Variants in NSD1 observed in about 807,000 individuals in gnomAD.
NSD1 encodes nuclear receptor binding SET domain protein 1, also known as histone-lysine N-methyltransferase, H3 lysine-36 specific.
A neutral mutation model predicts 242.7 loss-of-function variants in NSD1; 26 were observed. That is an observed-to-expected ratio of 0.11 (90% confidence interval 0.08 to 0.15). The LOEUF (loss-of-function observed/expected upper bound fraction) is 0.15, where lower values mean the gene tolerates loss of function less well. Among genes scored for constraint, NSD1 ranks in the 10% least tolerant of loss-of-function variants. NSD1 has a pLI of 1.00. For synonymous variants in NSD1, 1,106 were observed against 1,178.1 expected, an observed-to-expected ratio of 0.94 and a Z score of 1.25; for missense variants, 2,495 against 3,272.8, an observed-to-expected ratio of 0.76 and a Z score of 5.80.
At chr5:177,185,858 A>AT (rs1487529759) in intron 2 of NSD1, among the ~76,000 whole-genome samples, 1 of 87,922 alleles carries the variant, frequency 1.1e-5, no homozygotes, top group Non-Finnish European at 2.0e-5. Flanking sequence ...TATATTATAT[A>AT]TTATATATTT....
chr5:177,182,978 T>C (rs763775203), intron 2 of NSD1, among the ~76,000 whole-genome samples: 9 of 152,140 alleles, frequency 5.9e-5, no homozygotes, highest in Admixed American at 1.3e-4. Flanking sequence ...GTCTCACTTA[T>C]ATTGCCAAGT....
At chr5:177,249,857 T>C (rs2149901956) in intron 11 of NSD1, among the ~76,000 whole-genome samples, 1 of 152,148 alleles carries the variant, frequency 6.6e-6, no homozygotes, top group Non-Finnish European at 1.5e-5. Context: ...GAGGCTGAGG[T>C]GGGTGGATCA....
Position 177,164,320 on chromosome 5 carries a change from C to G in NSD1, c.928-27564C>G, listed in dbSNP as rs192207530. ...TACAGGCGCCTGCCACCATGCCTGGCTAATTTTTGTATTTTTAGTAGAGAC... is the reference window on the plus strand; with the variant it reads ...TACAGGCGCCTGCCACCATGCCTGGGTAATTTTTGTATTTTTAGTAGAGAC... On this transcript the variant is annotated intron_variant, in intron 2 of 22. Transcript: ENST00000439151. Among the ~76,000 whole-genome samples, 4 of 151,966 alleles carry G rather than the reference C, an allele frequency of 2.6e-5. No individual in the cohort carries two copies. The East Asian group carries it at 5.8e-4, about 22-fold the overall frequency.
Position 177,294,172 on chromosome 5 carries a change from T to G in NSD1, c.6804T>G (p.Ala2268=), listed in dbSNP as rs984661338. The G allele has an allele frequency of 1.2e-6, 2 of 1,614,162 alleles. No individual in the cohort carries two copies. The part of the protein sequence containing the change: ...TNQMLSLSKK[A]LAGTCQRPLL... ...AGATGCTGTCGCTCTCCAAAAAAGC[T>G]CTGGCAGGGACTTGTCAGAGGCCAT... The change falls in exon 23 of 23, where the codon GCT becomes GCG. Residue 2268 remains alanine, a synonymous_variant. Transcript: ENST00000439151.
chr5:177,210,254 G>T lies in NSD1; in HGVS notation c.1855G>T (p.Val619Leu). Residue 619 changes from valine to leucine, a missense_variant, in exon 5 of 23, where the codon GTG (valine) becomes TTG (leucine). Coordinates refer to ENST00000439151, the MANE Select transcript of NSD1 (RefSeq NM_022455.5). Reference sequence around the variant, plus strand: ...ACGAAGCCTGGTGTGTGGTTCAAAAGTGAAGCTCTGCTATATTGGAGCAGG... The same window carrying T: ...ACGAAGCCTGGTGTGTGGTTCAAAATTGAAGCTCTGCTATATTGGAGCAGG... ...PQRSLVCGSK[V>L]KLCYIGAGDE... The T allele has an allele frequency of 6.2e-7, 1 of 1,600,708 alleles. No homozygotes were observed.
At chr5:177,162,647 G>T (rs1758855049) in intron 2 of NSD1, among the ~76,000 whole-genome samples, 1 of 152,134 alleles carries the variant, frequency 6.6e-6, no homozygotes, top group African/African-American at 2.4e-5. Flanking sequence ...CTCCCAAAGT[G>T]CTGGGATTAC....
intron 2 of NSD1, among the ~76,000 whole-genome samples, chr5:177,146,406 G>C (rs934020084): frequency 6.6e-6 from 1 of 151,582 alleles, no homozygotes; most frequent in Non-Finnish European, 1.5e-5. Flanking sequence ...GTGTTTCACC[G>C]TGTTATCCAG....
chr5:177,153,463 TTTC>T (rs993493822), intron 2 of NSD1, among the ~76,000 whole-genome samples: 1 of 152,112 alleles, frequency 6.6e-6, no homozygotes, highest in Non-Finnish European at 1.5e-5. Context: ...ATGAAAATGA[TTTC>T]TACTTGTTTA....
intron 2 of NSD1, among the ~76,000 whole-genome samples, chr5:177,147,879 T>C (rs549779802): frequency 1.3e-5 from 2 of 151,876 alleles, no homozygotes; most frequent in South Asian, 2.1e-4. Flanking sequence ...TGTGAGCCAC[T>C]GCGCACGGCC....
chr5:177,206,229 T>G (rs748555692), intron 4 of NSD1, among the ~76,000 whole-genome samples: 14 of 152,048 alleles, frequency 9.2e-5, no homozygotes, highest in Non-Finnish European at 1.6e-4. Flanking sequence ...CAAACTCCTG[T>G]CCTCAAGTGA....
intron 14 of NSD1, chr5:177,265,371 T>C (rs1358861818): frequency 1.7e-6 from 1 of 598,270 alleles, no homozygotes; most frequent in African/African-American, 1.9e-5. Flanking sequence ...GTTTCCCAGC[T>C]GAAGATTTAT....
chr5:177,207,562 G>A (rs964698545), intron 4 of NSD1, among the ~76,000 whole-genome samples: 7 of 146,734 alleles, frequency 4.8e-5, no homozygotes, highest in Admixed American at 4.1e-4. Context: ...GATTGCAGGC[G>A]TGAGCCACCG....
Position 177,296,206 on chromosome 5 carries a change from G to C in NSD1, c.*747G>C, listed in dbSNP as rs1337076289. The C allele has an allele frequency of 4.2e-6, 1 of 236,246 alleles. No homozygotes were observed. The highest frequency in any genetic ancestry group is 8.3e-6 in the Non-Finnish European group (1 of 120,168). The allele number at this position is 236,246 out of a possible 1,614,324, so 14.6% of individuals were successfully genotyped here. A position where few individuals can be genotyped will look rare whatever the true frequency, so the allele number is the denominator to read the frequency against. ...AGGCCAGCAAGGCTGTTGGCTGTGG[G>C]GTCGCCGCTGCTGCTTTTGTCTGGG... On this transcript the variant is annotated 3_prime_UTR_variant, in exon 23 of 23. Coordinates refer to ENST00000439151, the MANE Select transcript of NSD1 (RefSeq NM_022455.5).
At chr5:177,285,556 T>G (rs960476574) in intron 20 of NSD1, among the ~76,000 whole-genome samples, 1 of 84,474 alleles carries the variant, frequency 1.2e-5, no homozygotes, top group African/African-American at 4.9e-5. Flanking sequence ...AGAGGGAGAT[T>G]CCATCTCAAA....
chr5:177,245,221 G>A (rs1422672620), intron 9 of NSD1, among the ~76,000 whole-genome samples: 9 of 152,188 alleles, frequency 5.9e-5, no homozygotes, highest in Non-Finnish European at 1.0e-4. Context: ...GCAACAATGC[G>A]AGACCATGTC....
At position 177,134,496 on chromosome 5, in the gene NSD1, G is replaced by C. The variant is rs1262127241; in HGVS notation, c.-18+544G>C. On this transcript the variant is annotated intron_variant, in intron 1 of 22. Coordinates refer to ENST00000439151, the MANE Select transcript of NSD1 (RefSeq NM_022455.5). The surrounding 1 kb of genome is among the most constrained non-coding windows in gnomAD (Gnocchi z 4.2). ...TGCCGGGTCCAGGCCTCTTCGCCCT[G>C]CAGCTGCGGATCCAGCAGGCCTGCA... Among the ~76,000 whole-genome samples the C allele has an allele frequency of 6.6e-6, 1 of 152,142 alleles. No individual in the cohort carries two copies. The highest frequency in any genetic ancestry group is 6.5e-5 in the Admixed American group (1 of 15,268).
chr5:177,174,715 C>T (rs1256348442), intron 2 of NSD1, among the ~76,000 whole-genome samples: 10 of 149,730 alleles, frequency 6.7e-5, no homozygotes, highest in African/African-American at 2.2e-4. Flanking sequence ...CCCACTACAA[C>T]GCCCGGCTAA....
intron 8 of NSD1, among the ~76,000 whole-genome samples, chr5:177,242,970 G>A (rs1400000311): frequency 1.3e-5 from 2 of 152,186 alleles, no homozygotes; most frequent in South Asian, 2.1e-4. Flanking sequence ...AGTGGGTGAG[G>A]TGAATAAAAT....
At chr5:177,149,610 G>C (rs988490926) in intron 2 of NSD1, among the ~76,000 whole-genome samples, 6 of 152,126 alleles carry the variant, frequency 3.9e-5, no homozygotes, top group Admixed American at 3.9e-4. Flanking sequence ...TTCCACAGGT[G>C]GGAGTGGGAT....
Sources: allele counts gnomAD v4.1 joint callset (sites outside exome capture counted in the v4.1 genomes callset), GRCh38; gene constraint gnomAD v4.1.1; non-coding constraint Gnocchi (gnomAD v3.1); transcripts MANE v1.5; gene names NCBI Gene and HGNC (gene_info 2026-07-23, HGNC 2026-07-21).